Variants in CNOT1 observed in about 807,000 individuals in gnomAD.
The protein encoded by CNOT1 is CCR4-associated factor 1.
In CNOT1, 15 loss-of-function variants were observed where a neutral mutation model predicts 273.8. The observed-to-expected ratio is 0.05, with a 90% CI of 0.04 to 0.08. CNOT1 has a LOEUF of 0.08. CNOT1 is among the 10% of genes least tolerant of loss of function. CNOT1 has a pLI of 1.00. For missense variants in CNOT1, 1,644 were observed against 2,912.2 expected, an observed-to-expected ratio of 0.56 and a Z score of 10.02; for synonymous variants, 1,022 against 1,005.5, an observed-to-expected ratio of 1.02 and a Z score of -0.31.
At chr16:58,567,351 G>A (rs576851195) in intron 16 of CNOT1, among the ~76,000 whole-genome samples, 1 of 152,084 alleles carries the variant, frequency 6.6e-6, no homozygotes, top group Admixed American at 6.5e-5. Context: ...GGCCGGGCGT[G>A]GTGGCTCATA....
chr16:58,524,069 G>A (rs1010837417), intron 46 of CNOT1, among the ~76,000 whole-genome samples: 1 of 152,000 alleles, frequency 6.6e-6, no homozygotes, highest in Non-Finnish European at 1.5e-5. Flanking sequence ...CCAACATGGT[G>A]AAACCCCATC....
rs772127894 is a variant in CNOT1, at chr16:58,547,725, T to C, written c.3523-43A>G. On this transcript the variant is annotated intron_variant, in intron 25 of 48. Coordinates refer to ENST00000317147, the MANE Select transcript of CNOT1 (RefSeq NM_016284.5). The surrounding 1 kb of genome is among the most constrained non-coding windows in gnomAD (Gnocchi z 4.0). ...TAAGAAAGATATGAGAATAAGCTTA[T>C]GAAAGAAAACTCAACTAAGTATTTG... 1.3e-6 allele frequency: 2 copies of C among 1,568,188 alleles called. No individual in the cohort carries two copies. Among genetic ancestry groups the C allele is most frequent in the African/African-American group, 1.4e-5 (1 of 73,192 alleles).
chr16:58,585,566 CT>C (rs2041806560), intron 7 of CNOT1, 60 bp from the exon 8 acceptor site: 2 of 1,561,208 alleles, frequency 1.3e-6, no homozygotes, highest in African/African-American at 2.7e-5. Context: ...TCCTCTTTTG[CT>C]CTATCCAAAA....
At chr16:58,521,950 CAAAT>C (rs1332522319) in intron 47 of CNOT1, among the ~76,000 whole-genome samples, 2 of 151,848 alleles carry the variant, frequency 1.3e-5, no homozygotes, top group Non-Finnish European at 1.5e-5. Flanking sequence ...GACCCTGTCT[CAAAT>C]AAACAGATAA....
intron 17 of CNOT1, chr16:58,559,861 G>A (rs374085234): frequency 7.3e-6 from 4 of 545,752 alleles, no homozygotes; most frequent in African/African-American, 1.9e-5. Flanking sequence ...ATAACAAGTC[G>A]TTATGCTCTA....
At chr16:58,557,126 T>C in intron 18 of CNOT1, 133 bp from the exon 19 acceptor site, 1 of 1,227,012 alleles carries the variant, frequency 8.1e-7, no homozygotes, top group African/African-American at 1.5e-5. Flanking sequence ...GTCAGAGTCT[T>C]TGTTAATTCC....
intron 2 of CNOT1, among the ~76,000 whole-genome samples, chr16:58,597,061 C>T (rs2042287200): frequency 6.8e-6 from 1 of 147,338 alleles, no homozygotes; most frequent in Non-Finnish European, 1.5e-5. Context: ...TCTTTTTTAT[C>T]AACTGGTCTA....
At chr16:58,540,026 A>T (rs995280806) in intron 34 of CNOT1, 67 bp from the exon 35 acceptor site, 1 of 1,501,312 alleles carries the variant, frequency 6.7e-7, no homozygotes, top group Non-Finnish European at 9.0e-7. Context: ...TGACACATGT[A>T]TCAAATAGAG....
At chr16:58,583,024 C>G (rs376145702) in intron 9 of CNOT1, 32 bp downstream of exon 9, 1 of 1,613,034 alleles carries the variant, frequency 6.2e-7, no homozygotes, top group Non-Finnish European at 8.5e-7. Context: ...AGGACATTAA[C>G]TCACTTGGTA....
At position 58,584,986 on chromosome 16, in the gene CNOT1, A is replaced by G. The variant is rs148352782; in HGVS notation, c.806+352T>C. Among the ~76,000 whole-genome samples, 768 of 152,280 alleles carry G rather than the reference A, an allele frequency of 5.0e-3. 9 individuals are homozygous for G. The highest frequency in any genetic ancestry group is 7.8e-3 in the Non-Finnish European group (530 of 68,028). ...AAGAAATTAGAGGGGTGGGGGTCAG[A>G]GAGGAGAAAATTAGTCACATTAAGT... On this transcript the variant is annotated intron_variant, in intron 8 of 48. Transcript: ENST00000317147.
intron 2 of CNOT1, among the ~76,000 whole-genome samples, chr16:58,596,870 A>C (rs2042273278): frequency 7.0e-6 from 1 of 143,312 alleles, no homozygotes; most frequent in Non-Finnish European, 1.5e-5. Flanking sequence ...CCTGGGCGAC[A>C]AAGTGAGACT....
At chr16:58,592,843 AG>A (rs1383084746) in intron 2 of CNOT1, among the ~76,000 whole-genome samples, 1 of 152,204 alleles carries the variant, frequency 6.6e-6, no homozygotes, top group African/African-American at 2.4e-5. Context: ...TATAGAGCTG[AG>A]GGAAGAATCA....
intron 1 of CNOT1, among the ~76,000 whole-genome samples, chr16:58,605,316 A>G (rs1004593372): frequency 2.6e-5 from 4 of 152,054 alleles, no homozygotes; most frequent in Non-Finnish European, 4.4e-5. Context: ...CAGCCTGGCC[A>G]ACATGGTGAA....
intron 1 of CNOT1, among the ~76,000 whole-genome samples, chr16:58,621,663 A>C (rs937651720): frequency 6.6e-6 from 1 of 151,022 alleles, no homozygotes; most frequent in Non-Finnish European, 1.5e-5. Flanking sequence ...TCACACCTGT[A>C]ATCCCAGCAC....
chr16:58,597,831 G>A, intron 2 of CNOT1: 1 of 410,856 alleles, frequency 2.4e-6, no homozygotes. Flanking sequence ...AAGCAGTCGA[G>A]CCCCAGGACC....
chr16:58,542,593 GT>G (rs776298263), intron 31 of CNOT1, 25 bp from the exon 32 acceptor site: 3 of 845,386 alleles, frequency 3.5e-6, no homozygotes, highest in Non-Finnish European at 5.4e-6. Flanking sequence ...GGGTGGGGGG[GT>G]GGGGGGAATA....
intron 1 of CNOT1, among the ~76,000 whole-genome samples, chr16:58,605,658 G>A (rs923792065): frequency 2.0e-5 from 3 of 152,098 alleles, no homozygotes; most frequent in Non-Finnish European, 4.4e-5. Context: ...TCCTTTCCAA[G>A]CAATAAATTA....
intron 21 of CNOT1, among the ~76,000 whole-genome samples, chr16:58,554,723 G>A (rs930438731): frequency 6.6e-5 from 10 of 151,976 alleles, no homozygotes. Flanking sequence ...ATCACCCGAG[G>A]TCAGGAGTTC....
intron 44 of CNOT1, 22 bp downstream of exon 44, chr16:58,528,453 C>T (rs2039675120): frequency 6.3e-7 from 1 of 1,584,066 alleles, no homozygotes; most frequent in Non-Finnish European, 8.7e-7. Context: ...ATAAGTTTTC[C>T]TTTAACTAGT....
Sources: gnomAD v4.1 joint callset for allele counts (sites outside exome capture counted in the v4.1 genomes callset) on GRCh38, gnomAD v4.1.1 for gene constraint, Gnocchi (gnomAD v3.1) non-coding constraint, MANE v1.5 for transcripts, NCBI Gene and HGNC (gene_info 2026-07-23, HGNC 2026-07-21) for gene names.